NAPG: variants seen among roughly 807,000 people sequenced by gnomAD.
NAPG encodes the protein gamma-soluble NSF attachment protein.
Under a neutral mutation model 48.4 loss-of-function variants are expected in NAPG, and 25 were observed. The ratio of observed to expected loss-of-function variants is 0.52; its 90% CI spans 0.38 to 0.72. NAPG has a LOEUF of 0.72. NAPG is among the 30% of genes least tolerant of loss of function. NAPG has a pLI of 0.00. For missense variants in NAPG, 359 were observed against 372.5 expected, an observed-to-expected ratio of 0.96 and a Z score of 0.30; for synonymous variants, 139 against 127.2, an observed-to-expected ratio of 1.09 and a Z score of -0.62.
At chr18:10,531,945 A>AG (rs1175916045) in intron 2 of NAPG, among the ~76,000 whole-genome samples, 3 of 152,232 alleles carry the variant, frequency 2.0e-5, no homozygotes, top group Admixed American at 6.5e-5. Flanking sequence ...AAAAGCAGGG[A>AG]GGGGAATAGC....
At chr18:10,538,122 T>A (rs746234810) in intron 5 of NAPG, among the ~76,000 whole-genome samples, 1 of 152,136 alleles carries the variant, frequency 6.6e-6, no homozygotes, top group Non-Finnish European at 1.5e-5. Context: ...TTTGGAGATA[T>A]TAGACATTAG....
intron 1 of NAPG, chr18:10,526,809 T>G (rs906814879): frequency 4.6e-5 from 7 of 152,346 alleles, no homozygotes; most frequent in African/African-American, 7.2e-5. Context: ...ACTGAACTGA[T>G]AATCCTTAAT....
Position 10,546,472 on chromosome 18 carries a change from C to G in NAPG, c.585+68C>G. ...TTTTTTATACTGGTATGAATAAGTACTTAAGAAAGGATTCTATGGGTATTT... is the reference window on the plus strand; with the variant it reads ...TTTTTTATACTGGTATGAATAAGTAGTTAAGAAAGGATTCTATGGGTATTT... On this transcript the variant is annotated intron_variant, in intron 9 of 11. Coordinates refer to ENST00000322897, the MANE Select transcript of NAPG (RefSeq NM_003826.3). This position sits in a 1 kb window ranked among gnomAD's most constrained non-coding sequence, Gnocchi z 4.0. 1 of 861,248 alleles carries G rather than the reference C, an allele frequency of 1.2e-6. No individual in the cohort carries two copies. The highest frequency in any genetic ancestry group is 2.9e-5 in the East Asian group (1 of 34,930). 53.4% of individuals were successfully genotyped at this position (861,248 alleles called of 1,614,324 possible). A position where few individuals can be genotyped will look rare whatever the true frequency, so the allele number is the denominator to read the frequency against.
chr18:10,544,635 C>T lies in NAPG; in HGVS notation c.507-1691C>T, dbSNP rs918321611. ...GGCCCACCTGATTAAGTCAGGCCCA[C>T]ACAGACAGTGATTCACTCGAAGTCA... On this transcript the variant is annotated intron_variant, in intron 8 of 11. Coordinates refer to ENST00000322897, the MANE Select transcript of NAPG (RefSeq NM_003826.3). This position sits in a 1 kb window ranked among gnomAD's most constrained non-coding sequence, Gnocchi z 5.1. Among the ~76,000 whole-genome samples the T allele has an allele frequency of 3.3e-5, 5 of 152,168 alleles. No homozygotes were observed. Among genetic ancestry groups the T allele is most frequent in the African/African-American group, 1.2e-4 (5 of 41,432 alleles).
intron 8 of NAPG, among the ~76,000 whole-genome samples, chr18:10,541,237 ATTTG>A (rs1179647287): frequency 1.3e-5 from 2 of 152,238 alleles, no homozygotes; most frequent in Admixed American, 6.5e-5. Flanking sequence ...ATTTAGATTA[ATTTG>A]TTTATAGGAC....
At position 10,534,742 on chromosome 18, in the gene NAPG, C is replaced by G. The variant is rs1485622045; in HGVS notation, c.258+246C>G. ...GAACTGGGAACACTAATGTTCTAAG[C>G]TCTATAACCAGGATAGATGTGTATT... On this transcript the variant is annotated intron_variant, in intron 5 of 11. Coordinates refer to ENST00000322897, the MANE Select transcript of NAPG (RefSeq NM_003826.3). This position sits in a 1 kb window ranked among gnomAD's most constrained non-coding sequence, Gnocchi z 5.0. Among the ~76,000 whole-genome samples, 1 of 152,144 alleles carries G rather than the reference C, an allele frequency of 6.6e-6. No individual in the cohort carries two copies. The highest frequency in any genetic ancestry group is 6.5e-5 in the Admixed American group (1 of 15,280).
intron 9 of NAPG, among the ~76,000 whole-genome samples, chr18:10,547,235 A>G (rs760910080): frequency 9.2e-5 from 14 of 152,222 alleles, no homozygotes; most frequent in Non-Finnish European, 2.1e-4. Context: ...TAGAACTTCC[A>G]TCCACCAAAA....
Position 10,539,913 on chromosome 18 carries a change from T to C in NAPG, c.368+42T>C. ...CAAGTCTCTGCATAGAAGTCTTGTC[T>C]TTTTGTTTTAAAGAGGTCCCTGAAA... is the stretch of plus-strand genomic sequence containing the variant. On this transcript the variant is annotated intron_variant, in intron 6 of 11. Coordinates refer to ENST00000322897, the MANE Select transcript of NAPG (RefSeq NM_003826.3). The surrounding 1 kb of genome is among the most constrained non-coding windows in gnomAD (Gnocchi z 4.7). 2 of 1,609,670 alleles carry C rather than the reference T, an allele frequency of 1.2e-6. No individual in the cohort carries two copies.
In NAPG at chr18:10,548,965, A is replaced by G. The variant is rs774893173; in HGVS notation, c.666-2A>G. 3.1e-6 allele frequency: 5 copies of G among 1,612,934 alleles called. No homozygotes were observed. Among genetic ancestry groups the G allele is most frequent in the Non-Finnish European group, 4.2e-6 (5 of 1,179,370 alleles). ...AAGACGTGTGATTTGTGCTTACTGC[A>G]GCATCCCTGGGTTCAATGGCAGTGA... is the stretch of plus-strand genomic sequence containing the variant. On this transcript the variant is annotated splice_acceptor_variant, in intron 10 of 11. Transcript: ENST00000322897. LOFTEE classifies it high-confidence loss of function. This position sits in a 1 kb window ranked among gnomAD's most constrained non-coding sequence, Gnocchi z 4.4.
chr18:10,535,888 A>G (rs1316015334), intron 5 of NAPG, among the ~76,000 whole-genome samples: 1 of 152,178 alleles, frequency 6.6e-6, no homozygotes, highest in Non-Finnish European at 1.5e-5. Flanking sequence ...TTGGTGCCGC[A>G]AGTTAGGTTA....
intron 1 of NAPG, among the ~76,000 whole-genome samples, chr18:10,529,280 A>G (rs1378239915): frequency 6.6e-6 from 1 of 152,220 alleles, no homozygotes; most frequent in Admixed American, 6.5e-5. Context: ...CATATTGCAT[A>G]TTTCCTCAAT....
At chr18:10,529,074 A>G (rs980845051) in intron 1 of NAPG, among the ~76,000 whole-genome samples, 1 of 152,212 alleles carries the variant, frequency 6.6e-6, no homozygotes, top group African/African-American at 2.4e-5. Flanking sequence ...AATTAGCTGT[A>G]TATCTTTCTT....
chr18:10,540,501 A>G (rs745850561), intron 8 of NAPG, 102 bp downstream of exon 8: 1 of 844,768 alleles, frequency 1.2e-6, no homozygotes, highest in Non-Finnish European at 1.9e-6. Context: ...TTTTGGTATA[A>G]GCTGTAGACA....
Position 10,542,760 on chromosome 18 carries a change from A to G in NAPG, c.506+2361A>G, listed in dbSNP as rs1371711353. Among the ~76,000 whole-genome samples the G allele has an allele frequency of 6.6e-6, 1 of 152,236 alleles. No homozygotes were observed. Among genetic ancestry groups the G allele is most frequent in the Non-Finnish European group, 1.5e-5 (1 of 68,036 alleles). On this transcript the variant is annotated intron_variant, in intron 8 of 11. Transcript: ENST00000322897. The surrounding 1 kb of genome is among the most constrained non-coding windows in gnomAD (Gnocchi z 4.5). ...TCTATGTTAGTGTAGCAAAGAATCT[A>G]TTTAATATATTAATCTCTTGCTTCT...
At chr18:10,540,179 CT>C in intron 7 of NAPG, 125 bp downstream of exon 7, 1 of 1,065,466 alleles carries the variant, frequency 9.4e-7, no homozygotes, top group Non-Finnish European at 1.4e-6. Context: ...CACGCTATTT[CT>C]TTTCTGTTAG....
chr18:10,533,236 A>C (rs527327987), intron 3 of NAPG: 75 of 309,080 alleles, frequency 2.4e-4, no homozygotes, highest in African/African-American at 1.2e-3. Context: ...TCAATAAAAA[A>C]TGTTTCTCTT....
intron 5 of NAPG, among the ~76,000 whole-genome samples, chr18:10,538,198 G>T (rs1021718130): frequency 9.9e-5 from 15 of 152,162 alleles, no homozygotes; most frequent in Non-Finnish European, 8.8e-5. Flanking sequence ...ATGGAAGAGG[G>T]TTGCAAACTC....
intron 1 of NAPG, among the ~76,000 whole-genome samples, chr18:10,527,612 A>G (rs2031845203): frequency 6.6e-6 from 1 of 152,186 alleles, no homozygotes; most frequent in South Asian, 2.1e-4. Context: ...GCCTGAGAAA[A>G]TTTGAGGAGG....
intron 11 of NAPG, among the ~76,000 whole-genome samples, chr18:10,549,544 G>A (rs1480309840): frequency 6.6e-6 from 1 of 152,178 alleles, no homozygotes; most frequent in Non-Finnish European, 1.5e-5. Flanking sequence ...TAATTCATTT[G>A]TAAAAATGAA....
Sources: gnomAD v4.1 joint callset for allele counts (sites outside exome capture counted in the v4.1 genomes callset) on GRCh38, gnomAD v4.1.1 for gene constraint, Gnocchi (gnomAD v3.1) non-coding constraint, MANE v1.5 for transcripts, NCBI Gene and HGNC (gene_info 2026-07-23, HGNC 2026-07-21) for gene names.